THRB: variants seen among roughly 807,000 people sequenced by gnomAD.
THRB encodes thyroid hormone receptor beta.
THRB carries 12 observed loss-of-function variants against 47.8 expected under a neutral mutation model. The ratio of observed to expected loss-of-function variants is 0.25; its 90% confidence interval spans 0.16 to 0.41. The LOEUF (loss-of-function observed/expected upper bound fraction) is 0.41. THRB is among the 10% of genes least tolerant of loss of function. The probability of loss-of-function intolerance (pLI) is 1.00; values close to 1 mark genes in which losing one functional copy is unlikely to be tolerated. For synonymous variants in THRB, 218 were observed against 212.2 expected (o/e 1.03, Z -0.24); for missense variants, 348 against 589.2 (o/e 0.59, Z 4.24).
At chr3:24,377,281 C>T (rs1240553104) in intron 1 of THRB, among the ~76,000 whole-genome samples, 1 of 152,060 alleles carries the variant, frequency 6.6e-6, no homozygotes, top group African/African-American at 2.4e-5. Context: ...CCATTTGGTT[C>T]AGCCAGGGCC....
chr3:24,299,802 T>TTTTTTTA (rs1363344985), intron 2 of THRB, among the ~76,000 whole-genome samples: 1 of 132,998 alleles, frequency 7.5e-6, no homozygotes, highest in African/African-American at 2.9e-5. Context: ...TTTTTTTTTT[T>TTTTTTTA]AGCAAACATA....
intron 1 of THRB, among the ~76,000 whole-genome samples, chr3:24,434,243 T>A (rs2070720615): frequency 1.3e-5 from 2 of 152,270 alleles, no homozygotes; most frequent in Admixed American, 6.5e-5. Context: ...TGGCAAAAAA[T>A]CCTCGCTTTA....
chr3:24,396,387 T>A (rs942882137), intron 1 of THRB, among the ~76,000 whole-genome samples: 1 of 19,724 alleles, frequency 5.1e-5, no homozygotes, highest in African/African-American at 8.9e-5. Context: ...GTGAAAACAC[T>A]GAGTTCCTTT....
chr3:24,320,346 C>T (rs545947005), intron 2 of THRB, among the ~76,000 whole-genome samples: 73 of 152,260 alleles, frequency 4.8e-4, no homozygotes, highest in East Asian at 1.5e-3. Flanking sequence ...AGAGTTGAAC[C>T]GGATTATCAC....
At chr3:24,321,979 T>C (rs2058516592) in intron 2 of THRB, among the ~76,000 whole-genome samples, 2 of 152,120 alleles carry the variant, frequency 1.3e-5, no homozygotes, top group African/African-American at 2.4e-5. Context: ...TTTAATGTGG[T>C]TACTAGGAAA....
At chr3:24,274,107 G>A (rs1274671112) in intron 3 of THRB, among the ~76,000 whole-genome samples, 1 of 152,002 alleles carries the variant, frequency 6.6e-6, no homozygotes, top group African/African-American at 2.4e-5. Flanking sequence ...ATACTGACCT[G>A]ATCTAACAAA....
chr3:24,353,582 G>GAT (rs1242321163), intron 1 of THRB, among the ~76,000 whole-genome samples: 1 of 152,100 alleles, frequency 6.6e-6, no homozygotes, highest in Non-Finnish European at 1.5e-5. Flanking sequence ...GGTCAGTGTG[G>GAT]ATATCACCAA....
chr3:24,138,236 G>A (rs1483306017), intron 8 of THRB, among the ~76,000 whole-genome samples: 13 of 152,196 alleles, frequency 8.5e-5, no homozygotes, highest in African/African-American at 2.9e-4. Context: ...GGGGCCAGAT[G>A]GGACTCTCAC....
chr3:24,322,934 G>A (rs983492812), intron 2 of THRB, among the ~76,000 whole-genome samples: 2 of 152,108 alleles, frequency 1.3e-5, no homozygotes, highest in Non-Finnish European at 2.9e-5. Flanking sequence ...GCTAATAAAT[G>A]TATCAGTCCC....
At chr3:24,244,810 A>T (rs140676046) in intron 3 of THRB, among the ~76,000 whole-genome samples, 1 of 152,314 alleles carries the variant, frequency 6.6e-6, no homozygotes, top group East Asian at 1.9e-4. Flanking sequence ...GTAATCTAAT[A>T]ACATATATGG....
At chr3:24,356,524 G>T (rs750222212) in intron 1 of THRB, among the ~76,000 whole-genome samples, 1 of 152,066 alleles carries the variant, frequency 6.6e-6, no homozygotes, top group Non-Finnish European at 1.5e-5. Context: ...GTCTCCTTTA[G>T]TTCCAACTGG....
chr3:24,270,649 G>C (rs898656841), intron 3 of THRB, among the ~76,000 whole-genome samples: 3 of 152,186 alleles, frequency 2.0e-5, no homozygotes, highest in Non-Finnish European at 4.4e-5. Context: ...CAGTTCATCA[G>C]GTCATGGAGA....
At chr3:24,375,032 G>C (rs2065168663) in intron 1 of THRB, among the ~76,000 whole-genome samples, 1 of 151,826 alleles carries the variant, frequency 6.6e-6, no homozygotes, top group Admixed American at 6.6e-5. Context: ...TTAAACACTA[G>C]AGACACAAAA....
At chr3:24,162,574 A>G (rs79622121) in intron 5 of THRB, among the ~76,000 whole-genome samples, 2,799 of 151,704 alleles carry the variant, frequency 0.018, 95 homozygotes, top group African/African-American at 0.064. Context: ...CCCCTCCTCA[A>G]TTCTTGAAGC....
chr3:24,372,146 T>C (rs186741303), intron 1 of THRB, among the ~76,000 whole-genome samples: 149 of 152,226 alleles, frequency 9.8e-4, no homozygotes, highest in African/African-American at 3.5e-3. Flanking sequence ...AGGCTTAAAA[T>C]ATTTAGGAGT....
chr3:24,320,683 T>C (rs2058427043), intron 2 of THRB, among the ~76,000 whole-genome samples: 1 of 152,110 alleles, frequency 6.6e-6, no homozygotes, highest in Non-Finnish European at 1.5e-5. Context: ...TTAAACATAA[T>C]ATTAATAACA....
intron 2 of THRB, among the ~76,000 whole-genome samples, chr3:24,320,966 G>T (rs1158755932): frequency 6.6e-6 from 1 of 152,192 alleles, no homozygotes; most frequent in Non-Finnish European, 1.5e-5. Context: ...AAGGCCTGGA[G>T]CAGAGCTCAT....
chr3:24,279,752 T>A (rs1194984014), intron 3 of THRB, among the ~76,000 whole-genome samples: 1 of 152,082 alleles, frequency 6.6e-6, no homozygotes, highest in African/African-American at 2.4e-5. Context: ...TATTTCATCC[T>A]CACATTGCCT....
chr3:24,465,015 A>G (rs544192312), intron 1 of THRB, among the ~76,000 whole-genome samples: 7 of 152,266 alleles, frequency 4.6e-5, no homozygotes, highest in African/African-American at 1.7e-4. Context: ...TTATGTTTAC[A>G]AAATTCTTCA....
Sources: gnomAD v4.1 joint callset for allele counts (sites outside exome capture counted in the v4.1 genomes callset) on GRCh38, gnomAD v4.1.1 for gene constraint, MANE v1.5 for transcripts, NCBI Gene and HGNC (gene_info 2026-07-23, HGNC 2026-07-21) for gene names.